Variants in KDM5C observed in about 807,000 individuals in gnomAD.
KDM5C encodes lysine-specific demethylase 5C.
A neutral mutation model predicts 110.6 loss-of-function variants in KDM5C; 16 were observed. The observed-to-expected ratio is 0.14, with a 90% CI of 0.10 to 0.22. KDM5C has a LOEUF of 0.22. KDM5C is among the 10% of genes least tolerant of loss of function. The pLI is 1.00. For synonymous variants in KDM5C, 511 were observed against 520.4 expected, an observed-to-expected ratio of 0.98 and a Z score of 0.24; for missense variants, 681 against 1,300.9, an observed-to-expected ratio of 0.52 and a Z score of 7.33.
intron 2 of KDM5C, among the ~76,000 whole-genome samples, chrX:53,220,610 C>A (rs1015896305): frequency 1.5e-4 from 17 of 112,397 alleles, no homozygotes; most frequent in African/African-American, 4.9e-4. Flanking sequence ...ATGTCCCCAG[C>A]CTTTGGGCTA....
In KDM5C at chrX:53,214,446, T is replaced by C. The variant is rs2073683449; in HGVS notation, c.1122+243A>G. ...TCTAACACACAATTTAGCCTCTGTT[T>C]ATATGTCACCACATATAGTCTAATT... On this transcript the variant is annotated intron_variant, in intron 8 of 25. Transcript: ENST00000375401. The C allele has an allele frequency of 1.5e-5, 6 of 411,271 alleles. No individual in the cohort carries two copies. The East Asian group carries it at 2.4e-4, about 16-fold the overall frequency. The allele number at this position is 411,271 out of a possible 1,213,427, so 33.9% of individuals were successfully genotyped here.
rs1556834334 is a variant in KDM5C, at chrX:53,194,500, T to C, written c.3677A>G (p.Asn1226Ser). The stretch of plus-strand genomic sequence containing the variant: ...GGCCAGCAGTGGGGATGAGGTGGGA[T>C]TGGGCCTCGGAGAGCTGAGGAGGCG... Reference protein sequence around the residue: ...VPRLLSSPRPNPTSSPLLAWW... With the variant: ...VPRLLSSPRPSPTSSPLLAWW... Residue 1226 changes from asparagine (N) to serine (S), a missense_variant, in exon 23 of 26, where the codon AAT becomes AGT. By Grantham distance (46) the Asn-to-Ser change is conservative. This residue lies in a region of KDM5C where 48 missense variants were observed against 59.7 expected (regional missense o/e 0.80). Coordinates refer to ENST00000375401, the MANE Select transcript of KDM5C (RefSeq NM_004187.5). 5.8e-6 allele frequency: 7 copies of C among 1,209,617 alleles called. No individual in the cohort carries two copies. The highest frequency in any genetic ancestry group is 5.9e-5 in the East Asian group (2 of 33,711).
chrX:53,199,244 G>T, intron 14 of KDM5C, 86 bp from the exon 15 acceptor site: 2 of 977,028 alleles, frequency 2.0e-6, no homozygotes, highest in Non-Finnish European at 2.9e-6. Context: ...CCCTACTTTA[G>T]ATTCAAATCT....
intron 25 of KDM5C, among the ~76,000 whole-genome samples, chrX:53,182,386 C>A (rs1602144052): frequency 1.0e-5 from 1 of 98,353 alleles, no homozygotes; most frequent in Non-Finnish European, 2.0e-5. Flanking sequence ...CCTGGCTGGG[C>A]CAAACTTTTT....
intron 3 of KDM5C, 56 bp from the exon 4 acceptor site, chrX:53,218,022 G>A: frequency 8.7e-7 from 1 of 1,145,120 alleles, no homozygotes. Context: ...ATATGTGAGG[G>A]AGTAGGCCTG....
chrX:53,193,594 G>C lies in KDM5C; in HGVS notation c.4160C>G (p.Pro1387Arg). The change falls in exon 25 of 26, where the codon CCT (proline) becomes CGT (arginine). Residue 1387 changes from proline (P) to arginine (R), a missense_variant. Physicochemically the swap from Pro to Arg is moderately radical, Grantham distance 103. Transcript: ENST00000375401. Reference sequence around the variant, plus strand: ...GGTTGCCTCAGGCAGTTCCAACACAGGGCCAGTCAACTGTGGCAACAGCGA... The same window carrying C: ...GGTTGCCTCAGGCAGTTCCAACACACGGCCAGTCAACTGTGGCAACAGCGA... ...LSSLLPQLTG[P>R]VLELPEATRA... 1 of 1,212,060 alleles carries C rather than the reference G, an allele frequency of 8.3e-7. No homozygotes were observed. Among genetic ancestry groups the C allele is most frequent in the South Asian group, 1.8e-5 (1 of 57,010 alleles).
In KDM5C at chrX:53,201,562, G is replaced by A. The variant is rs1169859502; in HGVS notation, c.2049C>T (p.Ala683=). 4 of 1,209,444 alleles carry A rather than the reference G, an allele frequency of 3.3e-6. No homozygotes were observed. The highest frequency in any genetic ancestry group is 2.3e-4 in the Middle Eastern group (1 of 4,372). The change falls in exon 14 of 26, where the codon GCC becomes GCT. Residue 683 remains alanine, a synonymous_variant. Transcript: ENST00000375401. ...MVQEERRLRK[A]LLEKGITEAE... is the part of the protein sequence containing the mutation. Reference sequence around the variant, plus strand: ...GTACTCTCCCCACCTTCTCCAGCAGGGCCTTTCGTAGACGCCGCTCTTCTT... The same window carrying A: ...GTACTCTCCCCACCTTCTCCAGCAGAGCCTTTCGTAGACGCCGCTCTTCTT...
At chrX:53,201,433 A>G (rs921806691) in intron 14 of KDM5C, 117 bp downstream of exon 14, 22 of 681,358 alleles carry the variant, frequency 3.2e-5, no homozygotes, top group African/African-American at 2.8e-4. Context: ...TTCAATCGAG[A>G]TGCATCTAGT....
intron 25 of KDM5C, among the ~76,000 whole-genome samples, chrX:53,180,279 G>T (rs1933997526): frequency 9.0e-6 from 1 of 111,644 alleles, no homozygotes; most frequent in Non-Finnish European, 1.9e-5. Flanking sequence ...GTTATGGGAG[G>T]GAAGTATGAA....
At chrX:53,196,634 C>T (rs1934878342) in intron 19 of KDM5C, 52 bp downstream of exon 19, 1 of 1,079,736 alleles carries the variant, frequency 9.3e-7, no homozygotes, top group East Asian at 3.0e-5. Context: ...GGTCTCCACT[C>T]AACTTTGATG....
At chrX:53,217,365 A>G in intron 4 of KDM5C, 88 bp from the exon 5 acceptor site, 2 of 1,090,013 alleles carry the variant, frequency 1.8e-6, no homozygotes, top group Non-Finnish European at 2.5e-6. Context: ...AATGGCATCC[A>G]AAGCTGTGGT....
chrX:53,207,489 CT>C (rs1556846126), intron 12 of KDM5C, among the ~76,000 whole-genome samples: 1 of 111,681 alleles, frequency 9.0e-6, no homozygotes, highest in African/African-American at 3.3e-5. Flanking sequence ...GACCAATAAA[CT>C]TACCAAATTG....
chrX:53,215,725 T>C lies in KDM5C; in HGVS notation c.963+70A>G, dbSNP rs781993236. ...TTGTGGTTAATGCGAACTGGTCCAG[T>C]GCCATGCAGGGGAATGCTTATTGAA... is the stretch of plus-strand genomic sequence containing the variant. On this transcript the variant is annotated intron_variant, in intron 7 of 25. Coordinates refer to ENST00000375401, the MANE Select transcript of KDM5C (RefSeq NM_004187.5). 1.5e-5 allele frequency: 16 copies of C among 1,096,173 alleles called. No individual in the cohort carries two copies. The South Asian group carries it at 2.6e-4, about 18-fold the overall frequency. 90.3% of individuals were successfully genotyped at this position (1,096,173 alleles called of 1,213,427 possible). A position where few individuals can be genotyped will look rare whatever the true frequency, so the allele number is the denominator to read the frequency against.
chrX:53,185,769 T>TAA (rs781977910), intron 25 of KDM5C, among the ~76,000 whole-genome samples: 1 of 111,829 alleles, frequency 8.9e-6, no homozygotes, highest in Non-Finnish European at 1.9e-5. Flanking sequence ...GGTAGCCTGA[T>TAA]AAAGTCCTAG....
At chrX:53,190,215 G>C (rs911684191), downstream of KDM5C, among the ~76,000 whole-genome samples, 4 of 112,586 alleles carry the variant, frequency 3.6e-5, no homozygotes, top group Non-Finnish European at 7.5e-5. Context: ...AAAGCTCTCT[G>C]GAAGAGGTTA....
At chrX:53,188,774 G>A (rs1934313646), downstream of KDM5C, among the ~76,000 whole-genome samples, 1 of 111,687 alleles carries the variant, frequency 9.0e-6, no homozygotes, top group African/African-American at 3.3e-5. Context: ...TGGCATGTGG[G>A]CACTCTCCTT....
At chrX:53,206,273 A>G (rs1556845109) in intron 12 of KDM5C, among the ~76,000 whole-genome samples, 1 of 111,808 alleles carries the variant, frequency 8.9e-6, no homozygotes, top group African/African-American at 3.3e-5. Flanking sequence ...ACAAATCTAT[A>G]GACAGAAAAC....
At chrX:53,180,878 G>A (rs960601435) in intron 25 of KDM5C, among the ~76,000 whole-genome samples, 13 of 108,176 alleles carry the variant, frequency 1.2e-4, no homozygotes, top group Admixed American at 8.0e-4. Context: ...ACAGGCACCC[G>A]CCACCACGCC....
Position 53,196,965 on chromosome X carries a change from A to G in KDM5C, c.2702T>C (p.Leu901Pro). 4.2e-6 allele frequency: 5 copies of G among 1,195,378 alleles called. No individual in the cohort carries two copies. Among genetic ancestry groups the G allele is most frequent in the Non-Finnish European group, 5.6e-6 (5 of 887,072 alleles). Reference protein sequence around the residue: ...LASLPSSPGLLQSLLERGRQL... With the variant: ...LASLPSSPGLPQSLLERGRQL... ...CCGCCCCCTCTCCAACAGGGACTGC[A>G]GTAGCCCTGGACTGGAGGGCAGTGA... The change falls in exon 19 of 26, where the codon CTG becomes CCG. Residue 901 changes from leucine (L) to proline (P), a missense_variant. Coordinates refer to ENST00000375401, the MANE Select transcript of KDM5C (RefSeq NM_004187.5).
Sources: gnomAD v4.1 joint callset for allele counts (sites outside exome capture counted in the v4.1 genomes callset) on GRCh38, gnomAD v4.1.1 for gene constraint, gnomAD v4.1.1 regional missense constraint, MANE v1.5 for transcripts, NCBI Gene and HGNC (gene_info 2026-07-23, HGNC 2026-07-21) for gene names.